Variants in BRINP3 observed in about 807,000 individuals in gnomAD.
BRINP3 encodes BMP/retinoic acid-inducible neural-specific protein 3.
A neutral mutation model predicts 71.0 loss-of-function variants in BRINP3; 19 were observed. The ratio of observed to expected loss-of-function variants is 0.27; its 90% confidence interval spans 0.19 to 0.39. BRINP3 has a LOEUF of 0.39. BRINP3 is among the 10% of genes least tolerant of loss of function. BRINP3 has a pLI of 1.00. For synonymous variants in BRINP3, 380 were observed against 337.7 expected, an observed-to-expected ratio of 1.13 and a Z score of -1.37; for missense variants, 959 against 940.8, an observed-to-expected ratio of 1.02 and a Z score of -0.25.
At chr1:190,178,352 T>C (rs1313767538) in intron 6 of BRINP3, among the ~76,000 whole-genome samples, 1 of 152,156 alleles carries the variant, frequency 6.6e-6, no homozygotes, top group Admixed American at 6.6e-5. Flanking sequence ...TTTTTCTTTC[T>C]GAATATTAGT....
chr1:190,182,969 C>A (rs1174879277), intron 6 of BRINP3, among the ~76,000 whole-genome samples: 2 of 151,958 alleles, frequency 1.3e-5, no homozygotes, highest in African/African-American at 2.4e-5. Flanking sequence ...GTCTGTGGGT[C>A]CTTCAAGTAA....
rs1675843713 is a variant in BRINP3 at position 190,454,324 on chromosome 1, G to A, written c.236+331C>T. Among the ~76,000 whole-genome samples the A allele has an allele frequency of 2.0e-5, 3 of 152,240 alleles. 1 individual carries two copies. The South Asian group carries it at 6.2e-4, about 32-fold the overall frequency. ...ACATAGCATTGTATAAGGTAGAAAG[G>A]AAAAGCAATTTTTTAAATTTCACTT... On this transcript the variant is annotated intron_variant, in intron 2 of 7. Coordinates refer to ENST00000367462, the MANE Select transcript of BRINP3 (RefSeq NM_199051.3).
chr1:190,403,829 C>T (rs899756124), intron 2 of BRINP3, among the ~76,000 whole-genome samples: 3 of 152,174 alleles, frequency 2.0e-5, no homozygotes, highest in African/African-American at 4.8e-5. Context: ...ACACTGATTT[C>T]GAATAACTTT....
At chr1:190,430,401 G>T (rs1674016230) in intron 2 of BRINP3, among the ~76,000 whole-genome samples, 1 of 152,078 alleles carries the variant, frequency 6.6e-6, no homozygotes, top group Non-Finnish European at 1.5e-5. Context: ...TGAAGGATTA[G>T]TCAAGGTGAA....
intron 2 of BRINP3, among the ~76,000 whole-genome samples, chr1:190,354,465 C>T (rs1668600193): frequency 6.6e-6 from 1 of 151,794 alleles, no homozygotes. Context: ...TAGCAGAGGG[C>T]TCGTCACTTA....
At chr1:190,101,266 G>C (rs1232619248) in intron 7 of BRINP3, among the ~76,000 whole-genome samples, 4 of 152,150 alleles carry the variant, frequency 2.6e-5, no homozygotes, top group African/African-American at 9.7e-5. Context: ...AGTATGCCCA[G>C]TGTGTTGTGA....
At chr1:190,156,809 T>C (rs1656908232) in intron 7 of BRINP3, among the ~76,000 whole-genome samples, 1 of 152,060 alleles carries the variant, frequency 6.6e-6, no homozygotes, top group African/African-American at 2.4e-5. Context: ...CTCTACTATG[T>C]TGAATTCTAA....
At chr1:190,241,218 A>T (rs897767574) in intron 4 of BRINP3, among the ~76,000 whole-genome samples, 2 of 152,074 alleles carry the variant, frequency 1.3e-5, no homozygotes, top group African/African-American at 4.8e-5. Context: ...ATATATCTAA[A>T]TTTTTTAAGC....
At chr1:190,454,632 A>G in intron 2 of BRINP3, 23 bp downstream of exon 2, 5 of 1,589,980 alleles carry the variant, frequency 3.1e-6, no homozygotes, top group Non-Finnish European at 4.3e-6. Flanking sequence ...TATTTCTGTA[A>G]TTGCTTTCCC....
intron 2 of BRINP3, among the ~76,000 whole-genome samples, chr1:190,296,952 T>C (rs1366273839): frequency 2.0e-5 from 3 of 152,124 alleles, no homozygotes; most frequent in Non-Finnish European, 4.4e-5. Context: ...ATTAGAAGAA[T>C]TATTATTGTT....
intron 6 of BRINP3, among the ~76,000 whole-genome samples, chr1:190,161,318 A>C (rs1275964531): frequency 6.6e-6 from 1 of 151,860 alleles, no homozygotes; most frequent in Non-Finnish European, 1.5e-5. Context: ...ATTTTTATTA[A>C]ATCAGAATAG....
intron 2 of BRINP3, among the ~76,000 whole-genome samples, chr1:190,306,565 G>T (rs963529341): frequency 6.6e-6 from 1 of 151,878 alleles, no homozygotes. Context: ...GGAGGTGGGG[G>T]TATAACTTTA....
In BRINP3 at chr1:190,454,825, T is replaced by A; in HGVS notation, c.66A>T (p.Ala22=). ...FSLMALWEWI[A]LSLHCWVLAV... is the part of the protein sequence containing the mutation. ...CTAAAACCCAGCAATGAAGACTCAG[T>A]GCTATCCACTCCCATAGAGCCATCA... The change falls in exon 2 of 8, where the codon GCA becomes GCT. Residue 22 remains alanine (A), a synonymous_variant. Coordinates refer to ENST00000367462, the MANE Select transcript of BRINP3 (RefSeq NM_199051.3). 1 of 1,614,156 alleles carries A rather than the reference T, an allele frequency of 6.2e-7. No individual in the cohort carries two copies.
In BRINP3 at chr1:190,403,428, G is replaced by A. The variant is rs138698701; in HGVS notation, c.236+51227C>T. Among the ~76,000 whole-genome samples, 30 of 152,146 alleles carry A rather than the reference G, an allele frequency of 2.0e-4. No individual in the cohort carries two copies. The East Asian group carries it at 5.6e-3, about 28-fold the overall frequency. On this transcript the variant is annotated intron_variant, in intron 2 of 7. Coordinates refer to ENST00000367462, the MANE Select transcript of BRINP3 (RefSeq NM_199051.3). ...AGATTTAGTTCCCATTTTCTAACAG[G>A]GTGAATACAAAATGAATGCATCAAA... is the stretch of plus-strand genomic sequence containing the variant.
intron 2 of BRINP3, among the ~76,000 whole-genome samples, chr1:190,341,186 G>A (rs186550503): frequency 1.3e-5 from 2 of 151,834 alleles, no homozygotes; most frequent in African/African-American, 2.4e-5. Flanking sequence ...AGTAATTTTT[G>A]TTCTTCACAT....
intron 6 of BRINP3, among the ~76,000 whole-genome samples, chr1:190,167,620 T>C (rs1651671144): frequency 6.6e-6 from 1 of 152,184 alleles, no homozygotes. Context: ...ACCCCAGGAT[T>C]GAATTTAAAT....
At chr1:190,286,476 A>G (rs1487943690) in intron 2 of BRINP3, among the ~76,000 whole-genome samples, 1 of 152,168 alleles carries the variant, frequency 6.6e-6, no homozygotes, top group Non-Finnish European at 1.5e-5. Context: ...CTTTCCCAAA[A>G]CACAGAATTT....
At chr1:190,327,192 G>C (rs1666638487) in intron 2 of BRINP3, among the ~76,000 whole-genome samples, 2 of 150,990 alleles carry the variant, frequency 1.3e-5, no homozygotes, top group Non-Finnish European at 3.0e-5. Context: ...TTGGGCACCT[G>C]TAATCCCGGC....
chr1:190,380,603 G>A (rs1377211372), intron 2 of BRINP3, among the ~76,000 whole-genome samples: 1 of 152,032 alleles, frequency 6.6e-6, no homozygotes, highest in Non-Finnish European at 1.5e-5. Flanking sequence ...TTAAGGCAAG[G>A]AAACATTGAA....
Sources: allele counts gnomAD v4.1 joint callset (sites outside exome capture counted in the v4.1 genomes callset), GRCh38; gene constraint gnomAD v4.1.1; transcripts MANE v1.5; gene names NCBI Gene and HGNC (gene_info 2026-07-23, HGNC 2026-07-21).